CYP2C8: variants seen among roughly 807,000 people sequenced by gnomAD.
CYP2C8 encodes the protein cytochrome P450 family 2 subfamily C member 8, also known as cytochrome P450 2C8.
In CYP2C8, 51 loss-of-function variants were observed where a neutral mutation model predicts 41.3. The ratio of observed to expected loss-of-function variants is 1.24; its 90% confidence interval spans 0.99 to 1.56. The LOEUF is 1.56. Ranked by LOEUF, CYP2C8 falls within the 40% of genes most tolerant of loss-of-function variation. The pLI, the probability that CYP2C8 is intolerant of heterozygous loss-of-function variation, is 0.00. For synonymous variants in CYP2C8, 218 were observed against 205.8 expected (o/e 1.06, Z -0.51); for missense variants, 651 against 579.9 (o/e 1.12, Z -1.26).
intron 5 of CYP2C8, among the ~76,000 whole-genome samples, chr10:95,055,351 A>G (rs955225860): frequency 6.6e-6 from 1 of 152,154 alleles, no homozygotes; most frequent in African/African-American, 2.4e-5. Flanking sequence ...ATCTAAAGGA[A>G]GAGTTTCAAA....
chr10:95,066,141 A>T lies in CYP2C8; in HGVS notation c.481+1067T>A, dbSNP rs1231961415. On this transcript the variant is annotated intron_variant, in intron 3 of 8. Coordinates refer to ENST00000371270, the MANE Select transcript of CYP2C8 (RefSeq NM_000770.3). ...TGGTGAGAGAGAGAGAGAGAGAGAG[A>T]GAGAGAGAGAGAGTGTGTGTGTGTG... Among the ~76,000 whole-genome samples, 294 of 111,192 alleles carry T rather than the reference A, an allele frequency of 2.6e-3. 2 individuals are homozygous for T. The highest frequency in any genetic ancestry group is 0.011 in the African/African-American group (288 of 26,074). 72.9% of individuals were successfully genotyped at this position (111,192 alleles called of 152,430 possible). A position where few individuals can be genotyped will look rare whatever the true frequency, so the allele number is the denominator to read the frequency against.
At chr10:95,053,605 T>C (rs1266154748) in intron 5 of CYP2C8, among the ~76,000 whole-genome samples, 1 of 152,182 alleles carries the variant, frequency 6.6e-6, no homozygotes, top group African/African-American at 2.4e-5. Context: ...AATGAATTCA[T>C]GTCCTTTTCA....
chr10:95,048,884 TAAA>T (rs909320594), intron 5 of CYP2C8, among the ~76,000 whole-genome samples: 1 of 151,962 alleles, frequency 6.6e-6, no homozygotes, highest in Non-Finnish European at 1.5e-5. Flanking sequence ...AAAAAACCTA[TAAA>T]AAACTCTTCT....
intron 5 of CYP2C8, among the ~76,000 whole-genome samples, chr10:95,046,750 A>T (rs2033116854): frequency 2.8e-5 from 2 of 70,392 alleles, no homozygotes; most frequent in South Asian, 4.8e-4. Flanking sequence ...AAATATGGTA[A>T]AAAAAAAAAA....
intron 7 of CYP2C8, 62 bp downstream of exon 7, chr10:95,042,828 C>T (rs1344410792): frequency 4.1e-6 from 6 of 1,454,010 alleles, no homozygotes; most frequent in Admixed American, 3.3e-5. Flanking sequence ...AGGGTTGGAA[C>T]CAAACCAGCA....
Position 95,042,973 on chromosome 10 carries a change from G to T in CYP2C8, c.1066C>A (p.Gln356Lys), listed in dbSNP as rs1238256599. The change falls in exon 7 of 9, where the codon CAG becomes AAG. Residue 356 changes from glutamine to lysine, a missense_variant. By Grantham distance (53) the Gln-to-Lys change is moderately conservative. Coordinates refer to ENST00000371270, the MANE Select transcript of CYP2C8 (RefSeq NM_000770.3). ...GTGGGGACAAGGTCACTGTATCTCT[G>T]GATCTCGTGCACTACAGCATCAGTG... is the stretch of plus-strand genomic sequence containing the variant. ...PYTDAVVHEI[Q>K]RYSDLVPTGV... is the part of the protein sequence containing the mutation. 3 of 1,614,152 alleles carry T rather than the reference G, an allele frequency of 1.9e-6. No homozygotes were observed. Among genetic ancestry groups the T allele is most frequent in the Non-Finnish European group, 2.5e-6 (3 of 1,179,990 alleles).
chr10:95,064,494 TG>T (rs1352198669), intron 4 of CYP2C8, among the ~76,000 whole-genome samples: 1 of 152,126 alleles, frequency 6.6e-6, no homozygotes, highest in Non-Finnish European at 1.5e-5. Context: ...AGTATTAGGG[TG>T]GGAGTGACCC....
At chr10:95,060,939 T>C (rs962390839) in intron 4 of CYP2C8, among the ~76,000 whole-genome samples, 1 of 152,234 alleles carries the variant, frequency 6.6e-6, no homozygotes, top group African/African-American at 2.4e-5. Flanking sequence ...ATATGCTGGA[T>C]TACATTTACT....
intron 5 of CYP2C8, among the ~76,000 whole-genome samples, chr10:95,051,253 T>C (rs1579029): frequency 0.69 from 104,399 of 152,002 alleles, 36,582 homozygotes; most frequent in Middle Eastern, 0.84. Flanking sequence ...TAGAATTGAT[T>C]CAGCAGAAGA....
intron 5 of CYP2C8, among the ~76,000 whole-genome samples, chr10:95,047,092 C>T (rs2033123622): frequency 6.6e-6 from 1 of 152,102 alleles, no homozygotes; most frequent in African/African-American, 2.4e-5. Flanking sequence ...CTCCTCTTGC[C>T]ATGTGACGTG....
intron 8 of CYP2C8, among the ~76,000 whole-genome samples, chr10:95,038,677 T>A (rs971291570): frequency 6.6e-6 from 1 of 152,136 alleles, no homozygotes; most frequent in Non-Finnish European, 1.5e-5. Flanking sequence ...GTTCATTTTC[T>A]CAATTGGGAA....
intron 4 of CYP2C8, among the ~76,000 whole-genome samples, chr10:95,059,177 T>A (rs1280827451): frequency 6.6e-6 from 1 of 152,214 alleles, no homozygotes; most frequent in East Asian, 1.9e-4. Context: ...GATGGCTGGG[T>A]CAAATGGTAT....
intron 6 of CYP2C8, among the ~76,000 whole-genome samples, chr10:95,044,392 G>T (rs759006143): frequency 7.2e-5 from 11 of 152,096 alleles, no homozygotes; most frequent in Non-Finnish European, 1.6e-4. Flanking sequence ...TACTTCTGGT[G>T]CTCTGAAATT....
intron 3 of CYP2C8, 114 bp downstream of exon 3, chr10:95,067,094 G>C: frequency 2.1e-6 from 3 of 1,438,198 alleles, no homozygotes; most frequent in Non-Finnish European, 2.9e-6. Flanking sequence ...CCACCTGAGG[G>C]CTGACAACCA....
intron 3 of CYP2C8, among the ~76,000 whole-genome samples, chr10:95,065,319 C>A (rs563709769): frequency 2.6e-5 from 4 of 152,140 alleles, no homozygotes. Context: ...AGCCTCTGGA[C>A]AATAAAACAC....
intron 6 of CYP2C8, among the ~76,000 whole-genome samples, chr10:95,043,597 A>G (rs773967262): frequency 3.9e-5 from 6 of 152,148 alleles, no homozygotes; most frequent in Non-Finnish European, 7.3e-5. Flanking sequence ...TTGTATTTCT[A>G]AATAACCACT....
chr10:95,056,815 T>C (rs1461574869), intron 5 of CYP2C8, among the ~76,000 whole-genome samples: 1 of 152,104 alleles, frequency 6.6e-6, no homozygotes, highest in Non-Finnish European at 1.5e-5. Flanking sequence ...TAGAGAGGAA[T>C]GGTAGTTGTG....
intron 7 of CYP2C8, among the ~76,000 whole-genome samples, chr10:95,041,185 A>T (rs979901307): frequency 3.3e-5 from 5 of 152,204 alleles, no homozygotes; most frequent in African/African-American, 1.2e-4. Context: ...AAAATGAGAG[A>T]AGAGAAAAAA....
chr10:95,065,253 C>A, intron 3 of CYP2C8, among the ~76,000 whole-genome samples: 1 of 152,142 alleles, frequency 6.6e-6, no homozygotes, highest in East Asian at 1.9e-4. Context: ...AAAAAGAAGA[C>A]TTTTTTGAAA....
Sources: gnomAD v4.1 joint callset for allele counts (sites outside exome capture counted in the v4.1 genomes callset) on GRCh38, gnomAD v4.1.1 for gene constraint, MANE v1.5 for transcripts, NCBI Gene and HGNC (gene_info 2026-07-23, HGNC 2026-07-21) for gene names.